Variants in MCMBP observed in about 807,000 individuals in gnomAD.
MCMBP encodes the protein minichromosome maintenance complex binding protein.
A neutral mutation model predicts 81.3 loss-of-function variants in MCMBP; 31 were observed. The ratio of observed to expected loss-of-function variants is 0.38; its 90% CI spans 0.29 to 0.51. The LOEUF (loss-of-function observed/expected upper bound fraction) is 0.51, where lower values mean the gene tolerates loss of function less well. Ranked by LOEUF, MCMBP falls within the 20% of genes least tolerant of loss-of-function variation. The pLI, the probability that MCMBP is intolerant of heterozygous loss-of-function variation, is 0.87. For missense variants in MCMBP, 645 were observed against 772.1 expected (o/e 0.84, Z 1.95); for synonymous variants, 267 against 275.9 (o/e 0.97, Z 0.32).
At chr10:119,866,012 T>G (rs946025552) in intron 1 of MCMBP, among the ~76,000 whole-genome samples, 4 of 151,420 alleles carry the variant, frequency 2.6e-5, no homozygotes, top group African/African-American at 9.7e-5. Context: ...CACTTGAGAC[T>G]GGAAGTTCAA....
At chr10:119,847,760 C>G in intron 7 of MCMBP, 47 bp from the exon 8 acceptor site, 1 of 1,139,172 alleles carries the variant, frequency 8.8e-7, no homozygotes, top group Non-Finnish European at 1.3e-6. Flanking sequence ...AGACACAAAG[C>G]TTAAGATATT....
Position 119,843,510 on chromosome 10 carries a change from T to TA in MCMBP, c.828-85dup, listed in dbSNP as rs781619750. 8.8e-6 allele frequency: 12 copies of TA among 1,359,438 alleles called. No individual in the cohort carries two copies. The African/African-American group carries it at 1.5e-4, about 16-fold the overall frequency. The allele number at this position is 1,359,438 out of a possible 1,614,324, so 84.2% of individuals were successfully genotyped here. On this transcript the variant is annotated intron_variant, in intron 8 of 15. Coordinates refer to ENST00000369077, the MANE Select transcript of MCMBP (RefSeq NM_001256378.2). ...TAATGTGCATCTTGGAAAACAAAAT[T>TA]AGAGTTAAAGCCAAGAATATTTCCA...
At chr10:119,856,519 A>G (rs1853051254) in intron 5 of MCMBP, among the ~76,000 whole-genome samples, 1 of 152,230 alleles carries the variant, frequency 6.6e-6, no homozygotes, top group East Asian at 1.9e-4. Context: ...TCAAGAATTC[A>G]GGATTGTGCT....
intron 13 of MCMBP, among the ~76,000 whole-genome samples, chr10:119,836,436 C>T (rs1852244451): frequency 6.6e-6 from 1 of 152,208 alleles, no homozygotes; most frequent in Non-Finnish European, 1.5e-5. Context: ...GAATTAAAAG[C>T]TCTCTTTACC....
rs767427985 is a variant in MCMBP, at chr10:119,840,795, T to C, written c.1242+48A>G. 6 of 1,101,592 alleles carry C rather than the reference T, an allele frequency of 5.4e-6. No individual in the cohort carries two copies. In the African/African-American group the frequency reaches 6.7e-5, roughly 12 times the overall value. 68.2% of individuals were successfully genotyped at this position (1,101,592 alleles called of 1,614,324 possible). A position where few individuals can be genotyped will look rare whatever the true frequency, so the allele number is the denominator to read the frequency against. On this transcript the variant is annotated intron_variant, in intron 11 of 15. Transcript: ENST00000369077. ...AGTGAATGAAAGACAGTTAGATGGA[T>C]TTTTTAAGTGTGCTTAGGTTTATAA...
chr10:119,841,386 G>A (rs1852426504), intron 10 of MCMBP, among the ~76,000 whole-genome samples: 1 of 152,168 alleles, frequency 6.6e-6, no homozygotes, highest in South Asian at 2.1e-4. Context: ...TTTGAGAAAA[G>A]ATAAGATTTA....
intron 4 of MCMBP, among the ~76,000 whole-genome samples, chr10:119,858,495 A>AG (rs1233403450): frequency 6.6e-6 from 1 of 151,598 alleles, no homozygotes; most frequent in African/African-American, 2.4e-5. Flanking sequence ...GCTACCTAGG[A>AG]ATGAATATTT....
chr10:119,833,496 A>G (rs1007176380), intron 14 of MCMBP, among the ~76,000 whole-genome samples: 2 of 151,940 alleles, frequency 1.3e-5, no homozygotes, highest in African/African-American at 2.4e-5. Context: ...AAGAAAGAAA[A>G]AAAAAGAAAA....
rs1852560870 is a variant in MCMBP, at chr10:119,844,714, G to A, written c.828-1288C>T. Among the ~76,000 whole-genome samples the A allele has an allele frequency of 2.0e-5, 3 of 152,308 alleles. No individual in the cohort carries two copies. In the South Asian group the frequency reaches 6.2e-4, roughly 32 times the overall value. On this transcript the variant is annotated intron_variant, in intron 8 of 15. Coordinates refer to ENST00000369077, the MANE Select transcript of MCMBP (RefSeq NM_001256378.2). ...AGAGGCAGACCCACCCTCAGTCTGGGTGGGCAGCATCTAATCAGCTGCCAG... is the reference window on the plus strand; with the variant it reads ...AGAGGCAGACCCACCCTCAGTCTGGATGGGCAGCATCTAATCAGCTGCCAG...
intron 14 of MCMBP, among the ~76,000 whole-genome samples, chr10:119,834,954 T>C (rs1302536463): frequency 6.7e-6 from 1 of 149,842 alleles, no homozygotes; most frequent in East Asian, 1.9e-4. Flanking sequence ...AATGAAAAGA[T>C]ACTAGACAGT....
intron 14 of MCMBP, among the ~76,000 whole-genome samples, chr10:119,834,883 A>G (rs867617724): frequency 2.7e-5 from 4 of 149,966 alleles, no homozygotes; most frequent in African/African-American, 7.4e-5. Context: ...AAAAAAAAAA[A>G]AAGAATTTGC....
At position 119,872,675 on chromosome 10, in the gene MCMBP, G is replaced by T; in HGVS notation, c.-91C>A. ...GGCCGGCGCCCAGCTCCTCTTCAGCGGCTCGGCCGCTCCTCGCCCGCGTTC... is the reference window on the plus strand; with the variant it reads ...GGCCGGCGCCCAGCTCCTCTTCAGCTGCTCGGCCGCTCCTCGCCCGCGTTC... On this transcript the variant is annotated 5_prime_UTR_variant, in exon 1 of 16. Transcript: ENST00000369077. 3.1e-6 allele frequency: 2 copies of T among 638,586 alleles called. No individual in the cohort carries two copies. Among genetic ancestry groups the T allele is most frequent in the Non-Finnish European group, 4.1e-6 (2 of 483,594 alleles). 39.6% of individuals were successfully genotyped at this position (638,586 alleles called of 1,614,324 possible).
At chr10:119,834,633 A>G (rs1341060475) in intron 14 of MCMBP, among the ~76,000 whole-genome samples, 1 of 152,034 alleles carries the variant, frequency 6.6e-6, no homozygotes, top group African/African-American at 2.4e-5. Flanking sequence ...CCTGGGCAAC[A>G]TAAAGAGATC....
chr10:119,843,139 T>G (rs1310557579), intron 9 of MCMBP, 115 bp downstream of exon 9: 1 of 1,142,182 alleles, frequency 8.8e-7, no homozygotes, highest in Non-Finnish European at 1.3e-6. Flanking sequence ...TGAAAACACT[T>G]ATTGTGAGGA....
At chr10:119,867,244 A>T (rs1204750420) in intron 1 of MCMBP, among the ~76,000 whole-genome samples, 2 of 145,458 alleles carry the variant, frequency 1.4e-5, no homozygotes, top group Non-Finnish European at 3.0e-5. Flanking sequence ...AGTGAGCCGA[A>T]ATCGCACCAC....
intron 5 of MCMBP, among the ~76,000 whole-genome samples, chr10:119,855,517 A>G (rs539752652): frequency 6.6e-6 from 1 of 152,240 alleles, no homozygotes; most frequent in South Asian, 2.1e-4. Context: ...CAAAAATACA[A>G]AACAATTAGC....
intron 1 of MCMBP, among the ~76,000 whole-genome samples, chr10:119,867,156 G>A (rs1181289033): frequency 6.6e-6 from 1 of 150,470 alleles, no homozygotes; most frequent in Non-Finnish European, 1.5e-5. Flanking sequence ...AGCCAGGTGT[G>A]GTGGTGGTCG....
Position 119,853,169 on chromosome 10 carries a change from C to A in MCMBP, c.455G>T (p.Arg152Leu). The A allele has an allele frequency of 6.2e-7, 1 of 1,613,640 alleles. No individual in the cohort carries two copies. The highest frequency in any genetic ancestry group is 8.5e-7 in the Non-Finnish European group (1 of 1,179,788). The change falls in exon 6 of 16, where the codon CGA becomes CTA. Residue 152 changes from arginine to leucine, a missense_variant. Coordinates refer to ENST00000369077, the MANE Select transcript of MCMBP (RefSeq NM_001256378.2). ...AGTGTAGGATGTTGAGGGACTGACT[C>A]GAGCTTGGTTTGCATTAACATAGGC... ...KEAYVNANQARVSPSTSYTPS... is the reference protein window; with the variant it reads ...KEAYVNANQALVSPSTSYTPS...
chr10:119,853,536 A>C (rs1677818115), intron 5 of MCMBP, among the ~76,000 whole-genome samples: 1 of 152,250 alleles, frequency 6.6e-6, no homozygotes, highest in African/African-American at 2.4e-5. Flanking sequence ...ACGTTCTCCA[A>C]ACTGCAACAA....
Sources: gnomAD v4.1 joint callset for allele counts (sites outside exome capture counted in the v4.1 genomes callset) on GRCh38, gnomAD v4.1.1 for gene constraint, MANE v1.5 for transcripts, NCBI Gene and HGNC (gene_info 2026-07-23, HGNC 2026-07-21) for gene names.